RBFOX1: variants seen among roughly 807,000 people sequenced by gnomAD.
The protein encoded by RBFOX1 is RNA binding fox-1 homolog 1.
RBFOX1 carries 8 observed loss-of-function variants against 57.7 expected under a neutral mutation model. That is an observed-to-expected ratio of 0.14 (90% CI 0.08 to 0.25). The LOEUF (loss-of-function observed/expected upper bound fraction) is 0.25. Ranked by LOEUF, RBFOX1 falls within the 10% of genes least tolerant of loss-of-function variation. The probability of loss-of-function intolerance (pLI) is 1.00; values close to 1 mark genes in which losing one functional copy is unlikely to be tolerated. For synonymous variants in RBFOX1, 326 were observed against 222.4 expected (o/e 1.47, Z -4.15); for missense variants, 611 against 548.5 (o/e 1.11, Z -1.14).
rs28673355 is a variant in RBFOX1 at position 7,551,018 on chromosome 16, C to G, written c.271-28759C>G. Among the ~76,000 whole-genome samples the G allele has an allele frequency of 1.4e-3, 200 of 146,258 alleles. 2 individuals carry two copies. The highest frequency in any genetic ancestry group is 4.9e-3 in the African/African-American group (194 of 39,540). ...CTGAGGCGGGAAAATCACTTGAACC[C>G]AGGAGGCGGAGGTTGCAGTGAGCTG... On this transcript the variant is annotated intron_variant, in intron 5 of 15. Transcript: ENST00000550418.
intron 2 of RBFOX1, among the ~76,000 whole-genome samples, chr16:6,462,501 A>G (rs61154866): frequency 0.31 from 46,465 of 152,038 alleles, 7,241 homozygotes; most frequent in Middle Eastern, 0.34. Flanking sequence ...CCATCCTTCC[A>G]CTGATGTTCT....
At chr16:6,459,623 C>T (rs2094861665) in intron 2 of RBFOX1, among the ~76,000 whole-genome samples, 1 of 151,948 alleles carries the variant, frequency 6.6e-6, no homozygotes, top group African/African-American at 2.4e-5. Flanking sequence ...TCCATATATC[C>T]AAACAATATA....
chr16:6,421,129 G>A (rs2093760214), intron 2 of RBFOX1, among the ~76,000 whole-genome samples: 1 of 152,160 alleles, frequency 6.6e-6, no homozygotes, highest in Non-Finnish European at 1.5e-5. Flanking sequence ...TAAATGAACC[G>A]TGGTGTAAAC....
rs540741727 is a variant in RBFOX1, at chr16:6,616,817, T to C, written c.-63-37786T>C. Among the ~76,000 whole-genome samples the C allele has an allele frequency of 3.9e-5, 6 of 152,350 alleles. No homozygotes were observed. In the East Asian group the frequency reaches 9.7e-4, roughly 25 times the overall value. On this transcript the variant is annotated intron_variant, in intron 2 of 15. Transcript: ENST00000550418. ...GCCATTATTCTGATTAATGCTGCCA[T>C]AATCTAACATCACGGAATGGCAAAC...
chr16:6,654,473 A>G (rs11640601), intron 2 of RBFOX1, 130 bp from the exon 3 acceptor site: 493,939 of 693,832 alleles, frequency 0.71, 177,620 homozygotes, highest in Middle Eastern at 0.78. Flanking sequence ...ATGACTCGAG[A>G]AAGAACTATT....
chr16:7,453,678 C>T (rs1247576682), intron 4 of RBFOX1, among the ~76,000 whole-genome samples: 2 of 152,130 alleles, frequency 1.3e-5, no homozygotes, highest in African/African-American at 4.8e-5. Flanking sequence ...AAGCACTGGT[C>T]AAGGTACTGA....
intron 2 of RBFOX1, among the ~76,000 whole-genome samples, chr16:6,591,527 C>T (rs80309811): frequency 0.09 from 13,674 of 152,100 alleles, 1,040 homozygotes; most frequent in East Asian, 0.42. Context: ...AACAGCAGGG[C>T]GACCCCTGCC....
At chr16:6,500,241 C>G (rs80243494) in intron 2 of RBFOX1, among the ~76,000 whole-genome samples, 2 of 152,074 alleles carry the variant, frequency 1.3e-5, no homozygotes, top group African/African-American at 4.8e-5. Context: ...TGGCAAAATA[C>G]CTAGGAGCTT....
At chr16:5,327,292 T>G (rs1196866526) in intron 1 of RBFOX1, among the ~76,000 whole-genome samples, 1 of 152,256 alleles carries the variant, frequency 6.6e-6, no homozygotes, top group East Asian at 1.9e-4. Flanking sequence ...TGCCTCTCTA[T>G]TGAGTCTGTA....
intron 2 of RBFOX1, among the ~76,000 whole-genome samples, chr16:6,613,667 T>C (rs781228372): frequency 4.6e-5 from 7 of 152,204 alleles, no homozygotes; most frequent in African/African-American, 1.2e-4. Flanking sequence ...ATAAGTAGTG[T>C]GTTATCTCAT....
chr16:5,885,991 G>T (rs1555557860), intron 4 of RBFOX1, among the ~76,000 whole-genome samples: 4 of 152,132 alleles, frequency 2.6e-5, no homozygotes, highest in Non-Finnish European at 1.5e-5. Context: ...ATGATAGTGA[G>T]TTGTCATGAG....
chr16:5,353,737 A>AAACC (rs2065317359), intron 1 of RBFOX1, among the ~76,000 whole-genome samples: 1 of 5,844 alleles, frequency 1.7e-4, no homozygotes, highest in Non-Finnish European at 0.015. Flanking sequence ...AAAAAAAAAA[A>AAACC]AACCTCGCCA....
chr16:6,611,040 G>A (rs982494669), intron 2 of RBFOX1, among the ~76,000 whole-genome samples: 8 of 152,174 alleles, frequency 5.3e-5, no homozygotes, highest in African/African-American at 1.7e-4. Context: ...GTATGTTATT[G>A]TGGAAATAAG....
At chr16:6,518,803 C>G (rs896513763) in intron 2 of RBFOX1, among the ~76,000 whole-genome samples, 1 of 87,406 alleles carries the variant, frequency 1.1e-5, no homozygotes, top group Non-Finnish European at 2.5e-5. Flanking sequence ...GTCTGTCTAT[C>G]TATCTATCTA....
chr16:6,049,521 C>T (rs1242021904), intron 1 of RBFOX1, among the ~76,000 whole-genome samples: 1 of 152,118 alleles, frequency 6.6e-6, no homozygotes, highest in African/African-American at 2.4e-5. Context: ...GATATCATAT[C>T]ATTGTTTTCT....
chr16:6,102,817 A>G (rs771352939), intron 1 of RBFOX1, among the ~76,000 whole-genome samples: 2 of 152,134 alleles, frequency 1.3e-5, no homozygotes, highest in Non-Finnish European at 2.9e-5. Flanking sequence ...ATTATAGAAT[A>G]TGCTCATCTT....
intron 2 of RBFOX1, among the ~76,000 whole-genome samples, chr16:6,419,707 C>G (rs1567231735): frequency 6.6e-6 from 1 of 152,162 alleles, no homozygotes. Flanking sequence ...TCTTCATAGA[C>G]TATATGACAC....
intron 1 of RBFOX1, among the ~76,000 whole-genome samples, chr16:6,195,738 A>G (rs1240779260): frequency 6.6e-6 from 1 of 152,028 alleles, no homozygotes; most frequent in East Asian, 1.9e-4. Context: ...AAAAAAAAAA[A>G]AAGGTTTGTA....
intron 4 of RBFOX1, among the ~76,000 whole-genome samples, chr16:7,054,212 T>TTCGG (rs1202895478): frequency 5.7e-5 from 1 of 17,512 alleles, no homozygotes; most frequent in African/African-American, 5.2e-4. Context: ...ATTTTTTTTT[T>TTCGG]CGGGGGGGGG....
Sources: allele counts gnomAD v4.1 joint callset (sites outside exome capture counted in the v4.1 genomes callset), GRCh38; gene constraint gnomAD v4.1.1; transcripts MANE v1.5; gene names NCBI Gene and HGNC (gene_info 2026-07-23, HGNC 2026-07-21).